The following CCDC102B variants were observed in gnomAD, a reference collection of about 807,000 sequenced individuals.
The protein encoded by CCDC102B is coiled-coil domain-containing protein 102B.
CCDC102B carries 75 observed loss-of-function variants against 57.4 expected under a neutral mutation model. That is an observed-to-expected ratio of 1.31 (90% CI 1.08 to 1.58). CCDC102B has a LOEUF of 1.58. CCDC102B is among the 40% of genes most tolerant of loss of function. The pLI, the probability that CCDC102B is intolerant of heterozygous loss-of-function variation, is 0.00. For missense variants in CCDC102B, 636 were observed against 582.6 expected, an observed-to-expected ratio of 1.09 and a Z score of -0.94; for synonymous variants, 206 against 201.9, an observed-to-expected ratio of 1.02 and a Z score of -0.17.
intron 4 of CCDC102B, among the ~76,000 whole-genome samples, chr18:68,851,144 A>G (rs960610683): frequency 2.6e-5 from 4 of 152,220 alleles, no homozygotes; most frequent in Admixed American, 2.6e-4. Context: ...GAAGCACTGT[A>G]CTAACACTTC....
chr18:68,785,136 G>A (rs1373222452), intron 2 of CCDC102B, among the ~76,000 whole-genome samples: 2 of 151,792 alleles, frequency 1.3e-5, no homozygotes, highest in Non-Finnish European at 2.9e-5. Context: ...TTTCATCCAT[G>A]TCCCTACAAA....
At position 68,836,845 on chromosome 18, in the gene CCDC102B, G is replaced by A. The variant is rs369503833; in HGVS notation, c.82G>A (p.Asp28Asn). The change falls in exon 2 of 8, where the codon GAC becomes AAC. Residue 28 changes from aspartate (D) to asparagine (N), a missense_variant. Asp to Asn is a conservative substitution (Grantham distance 23). Coordinates refer to ENST00000360242, the MANE Select transcript of CCDC102B (RefSeq NM_024781.3). ...ACAATCATCAATTAAGTCACGCGGC[G>A]ACATGGTGGCACCTGCCTCACCCCC... ...MQQSSIKSRG[D>N]MVAPASPPRD... 147 of 1,613,862 alleles carry A rather than the reference G, an allele frequency of 9.1e-5. No individual in the cohort carries two copies. The highest frequency in any genetic ancestry group is 1.2e-4 in the South Asian group (11 of 91,078).
Position 68,765,329 on chromosome 18 carries a change from G to GA in CCDC102B, c.-67+48738dup, listed in dbSNP as rs1263451263. Reference sequence around the variant, plus strand: ...GGAAGGAAGGAAGGAAGGAAGGAAAGAAAGAAAGAAAGAAAGAAAGAAAGA... The same window carrying GA: ...GGAAGGAAGGAAGGAAGGAAGGAAAGAAAAGAAAGAAAGAAAGAAAGAAAGA... On this transcript the variant is annotated intron_variant, in intron 2 of 3. Transcript: ENST00000578970. Among the ~76,000 whole-genome samples the GA allele has an allele frequency of 2.7e-3, 161 of 60,082 alleles. 2 individuals are homozygous for GA. Among genetic ancestry groups the GA allele is most frequent in the African/African-American group, 9.2e-3 (161 of 17,508 alleles). 39.4% of individuals were successfully genotyped at this position (60,082 alleles called of 152,430 possible). A position where few individuals can be genotyped will look rare whatever the true frequency, so the allele number is the denominator to read the frequency against.
intron 6 of CCDC102B, among the ~76,000 whole-genome samples, chr18:68,946,218 C>G (rs2049534442): frequency 6.6e-6 from 1 of 151,998 alleles, no homozygotes; most frequent in African/African-American, 2.4e-5. Flanking sequence ...CAAATTATCT[C>G]CCATGTACAT....
chr18:68,998,991 T>G (rs1418163548), intron 6 of CCDC102B, among the ~76,000 whole-genome samples: 59 of 70,090 alleles, frequency 8.4e-4, no homozygotes, highest in Middle Eastern at 8.6e-3. Context: ...TATATATATA[T>G]ATATATATAG....
chr18:68,941,519 A>G (rs1300419840), intron 6 of CCDC102B, among the ~76,000 whole-genome samples: 1 of 152,066 alleles, frequency 6.6e-6, no homozygotes, highest in African/African-American at 2.4e-5. Flanking sequence ...CCCTCATGCT[A>G]TTTGTTTCTT....
chr18:68,880,507 G>A (rs1344837727), intron 5 of CCDC102B, among the ~76,000 whole-genome samples: 2 of 152,228 alleles, frequency 1.3e-5, no homozygotes, highest in African/African-American at 4.8e-5. Context: ...GGCAGAGGAG[G>A]CGCCGAGAGC....
At chr18:68,919,322 T>C (rs78041383) in intron 6 of CCDC102B, among the ~76,000 whole-genome samples, 2,068 of 152,252 alleles carry the variant, frequency 0.014, 27 homozygotes, top group East Asian at 0.064. Context: ...TTTGTTATAT[T>C]GACCACATTT....
chr18:69,017,995 C>T (rs2051716533), intron 7 of CCDC102B, among the ~76,000 whole-genome samples: 1 of 149,414 alleles, frequency 6.7e-6, no homozygotes. Flanking sequence ...CTAAATATTT[C>T]TGTGTGTGTG....
chr18:68,899,047 A>G (rs1257757796), intron 6 of CCDC102B, among the ~76,000 whole-genome samples: 1 of 152,060 alleles, frequency 6.6e-6, no homozygotes, highest in Non-Finnish European at 1.5e-5. Context: ...CAAAGGTCTA[A>G]GTCAGTGGGT....
intron 6 of CCDC102B, among the ~76,000 whole-genome samples, chr18:68,915,429 T>C (rs1012845987): frequency 6.6e-6 from 1 of 152,230 alleles, no homozygotes; most frequent in Non-Finnish European, 1.5e-5. Flanking sequence ...ATATGGTTTA[T>C]TTGGCACAAT....
chr18:69,017,465 C>A (rs562219962), intron 7 of CCDC102B, among the ~76,000 whole-genome samples: 5 of 152,056 alleles, frequency 3.3e-5, no homozygotes, highest in Non-Finnish European at 7.4e-5. Flanking sequence ...AAAATTTTAA[C>A]TTTTAGGATT....
intron 6 of CCDC102B, among the ~76,000 whole-genome samples, chr18:68,951,907 A>G (rs2049709462): frequency 6.6e-6 from 1 of 152,074 alleles, no homozygotes; most frequent in Admixed American, 6.6e-5. Flanking sequence ...ATTTACTGGA[A>G]TTCTGTTTCT....
At chr18:68,954,078 A>C (rs908091802) in intron 6 of CCDC102B, among the ~76,000 whole-genome samples, 2 of 152,178 alleles carry the variant, frequency 1.3e-5, no homozygotes, top group African/African-American at 4.8e-5. Flanking sequence ...AAAGAATAAT[A>C]TCTAAATTTA....
chr18:68,908,005 A>G (rs2040707026), intron 6 of CCDC102B: 1 of 152,108 alleles, frequency 6.6e-6, no homozygotes, highest in African/African-American at 2.4e-5. Flanking sequence ...CTGATCAAGT[A>G]TTGCATTTCA....
At chr18:68,935,752 A>G (rs1242227460) in intron 6 of CCDC102B, among the ~76,000 whole-genome samples, 1 of 151,958 alleles carries the variant, frequency 6.6e-6, no homozygotes, top group African/African-American at 2.4e-5. Context: ...CATTAGGGAT[A>G]CTGAGAATGA....
At chr18:69,019,773 G>A (rs1012725058) in intron 7 of CCDC102B, among the ~76,000 whole-genome samples, 1 of 152,088 alleles carries the variant, frequency 6.6e-6, no homozygotes, top group South Asian at 2.1e-4. Flanking sequence ...GAATAGAAAT[G>A]ACGAGGGTGA....
chr18:68,907,745 A>G (rs1190116755), intron 6 of CCDC102B, among the ~76,000 whole-genome samples: 1 of 152,036 alleles, frequency 6.6e-6, no homozygotes, highest in African/African-American at 2.4e-5. Flanking sequence ...CACATGTTTT[A>G]CTTTATGCTT....
chr18:68,972,988 C>T (rs1389535564), intron 6 of CCDC102B, among the ~76,000 whole-genome samples: 25 of 152,002 alleles, frequency 1.6e-4, no homozygotes, highest in Admixed American at 1.5e-3. Flanking sequence ...TTAGAAAGAA[C>T]CACATATATA....
Sources: allele counts gnomAD v4.1 joint callset (sites outside exome capture counted in the v4.1 genomes callset), GRCh38; gene constraint gnomAD v4.1.1; transcripts MANE v1.5; gene names NCBI Gene and HGNC (gene_info 2026-07-23, HGNC 2026-07-21).